Variants in TMEM47 observed in about 807,000 individuals in gnomAD.
TMEM47 encodes brain cell membrane protein 1.
In TMEM47, 3 loss-of-function variants were observed where a neutral mutation model predicts 12.4. The ratio of observed to expected loss-of-function variants is 0.24; its 90% confidence interval spans 0.11 to 0.63. The LOEUF (loss-of-function observed/expected upper bound fraction) is 0.63, where lower values mean the gene tolerates loss of function less well. Among genes scored for constraint, TMEM47 ranks in the 20% least tolerant of loss-of-function variants. The pLI is 0.86. For synonymous variants in TMEM47, 62 were observed against 63.3 expected, an observed-to-expected ratio of 0.98 and a Z score of 0.10; for missense variants, 89 against 143.8, an observed-to-expected ratio of 0.62 and a Z score of 1.95.
chrX:34,640,732 C>T (rs972138886), intron 1 of TMEM47, among the ~76,000 whole-genome samples: 2 of 111,489 alleles, frequency 1.8e-5, no homozygotes, highest in East Asian at 2.8e-4. Context: ...GTAGGATAAA[C>T]GATGAGCAGA....
chrX:34,637,844 C>T (rs752220619), intron 2 of TMEM47, among the ~76,000 whole-genome samples: 28 of 110,538 alleles, frequency 2.5e-4, no homozygotes, highest in Non-Finnish European at 4.5e-4. Context: ...GCACATGTCT[C>T]GGCAGAAAAA....
intron 1 of TMEM47, among the ~76,000 whole-genome samples, chrX:34,641,046 C>T (rs1230952260): frequency 9.3e-6 from 1 of 107,126 alleles, no homozygotes; most frequent in South Asian, 4.0e-4. Context: ...AAAGGCTAGC[C>T]ATACTGGGCT....
chrX:34,627,699 C>A lies in TMEM47; in HGVS notation c.*2614G>T, dbSNP rs1243745860. 1 of 111,883 alleles carries A rather than the reference C, an allele frequency of 8.9e-6. No homozygotes were observed. Among genetic ancestry groups the A allele is most frequent in the African/African-American group, 3.3e-5 (1 of 30,747 alleles). The allele number at this position is 111,883 out of a possible 1,213,427, so 9.2% of individuals were successfully genotyped here. A position where few individuals can be genotyped will look rare whatever the true frequency, so the allele number is the denominator to read the frequency against. On this transcript the variant is annotated 3_prime_UTR_variant, in exon 3 of 3. Transcript: ENST00000275954. ...TATATATATGTGTGTATATCTATAT[C>A]TATAGATGTAGATCTATATCCATAG... is the stretch of plus-strand genomic sequence containing the variant.
intron 1 of TMEM47, among the ~76,000 whole-genome samples, chrX:34,646,948 A>G (rs1356184593): frequency 9.0e-6 from 1 of 111,538 alleles, no homozygotes; most frequent in Non-Finnish European, 1.9e-5. Context: ...TGTTTAAAAG[A>G]CACCATTTGT....
chrX:34,638,893 A>C (rs2147138713), intron 2 of TMEM47, among the ~76,000 whole-genome samples: 1 of 112,111 alleles, frequency 8.9e-6, no homozygotes, highest in East Asian at 2.8e-4. Context: ...CAGAAAAAAT[A>C]ATGCTGCCTT....
chrX:34,629,484 C>T lies in TMEM47; in HGVS notation c.*829G>A, dbSNP rs1921573807. The T allele has an allele frequency of 1.8e-5, 2 of 111,758 alleles. No individual in the cohort carries two copies. Among genetic ancestry groups the T allele is most frequent in the African/African-American group, 6.5e-5 (2 of 30,756 alleles). 9.2% of individuals were successfully genotyped at this position (111,758 alleles called of 1,213,427 possible). ...AGGGAACAACTTATTACCATTTATA[C>T]TAATGGTTCACCTTCTATAAAAACA... On this transcript the variant is annotated 3_prime_UTR_variant, in exon 3 of 3. Transcript: ENST00000275954.
chrX:34,655,792 AAG>A (rs200249272), intron 1 of TMEM47, among the ~76,000 whole-genome samples: 1 of 108,792 alleles, frequency 9.2e-6, no homozygotes, highest in African/African-American at 3.4e-5. Flanking sequence ...GAGAGAGAGA[AAG>A]AGAGAGAAAG....
intron 2 of TMEM47, among the ~76,000 whole-genome samples, chrX:34,632,595 G>A (rs905596605): frequency 1.8e-5 from 2 of 111,742 alleles, no homozygotes; most frequent in African/African-American, 3.3e-5. Flanking sequence ...CATTTCTGCC[G>A]TGTAGCACAA....
chrX:34,639,230 G>A lies in TMEM47; in HGVS notation c.367+17C>T. ...ATGAAACTTTAATACTCATTTGAAA[G>A]TAATGAATCTGTTTACCTGCTGCAA... is the stretch of plus-strand genomic sequence containing the variant. On this transcript the variant is annotated intron_variant, in intron 2 of 2. Coordinates refer to ENST00000275954, the MANE Select transcript of TMEM47 (RefSeq NM_031442.4). The A allele has an allele frequency of 4.3e-6, 5 of 1,173,981 alleles. No individual in the cohort carries two copies. Among genetic ancestry groups the A allele is most frequent in the Non-Finnish European group, 5.7e-6 (5 of 875,926 alleles).
intron 2 of TMEM47, among the ~76,000 whole-genome samples, chrX:34,632,111 T>A (rs1369472141): frequency 9.0e-6 from 1 of 111,517 alleles, no homozygotes; most frequent in Non-Finnish European, 1.9e-5. Context: ...ACCACACAGC[T>A]CACAAAGCCA....
chrX:34,654,027 G>A (rs773859483), intron 1 of TMEM47, among the ~76,000 whole-genome samples: 1 of 111,709 alleles, frequency 9.0e-6, no homozygotes, highest in Non-Finnish European at 1.9e-5. Flanking sequence ...TTAGTGGTTC[G>A]TACTAGAAGA....
At chrX:34,651,301 G>A (rs1204369319) in intron 1 of TMEM47, among the ~76,000 whole-genome samples, 4 of 112,005 alleles carry the variant, frequency 3.6e-5, no homozygotes, top group Non-Finnish European at 7.5e-5. Flanking sequence ...CAATTTGTAA[G>A]AATTCCAATA....
intron 1 of TMEM47, 92 bp downstream of exon 1, chrX:34,656,712 G>C (rs1247231026): frequency 8.9e-7 from 1 of 1,119,725 alleles, no homozygotes. Flanking sequence ...CAGAGGATGC[G>C]GGGACGTGGG....
At chrX:34,646,687 G>T (rs1334434822) in intron 1 of TMEM47, among the ~76,000 whole-genome samples, 1 of 111,187 alleles carries the variant, frequency 9.0e-6, no homozygotes, top group Non-Finnish European at 1.9e-5. Flanking sequence ...ATTAGGAGTG[G>T]GTGAAACTTC....
chrX:34,656,373 A>G (rs1219935679), intron 1 of TMEM47, among the ~76,000 whole-genome samples: 1 of 110,319 alleles, frequency 9.1e-6, no homozygotes, highest in Non-Finnish European at 1.9e-5. Context: ...GAGAGGAAGG[A>G]AAAAGAGTGG....
In TMEM47 at chrX:34,649,828, C is replaced by A. The variant is rs558813970; in HGVS notation, c.226+6976G>T. ...GCAACCTCTGCCTCCCGGGTTCAAG[C>A]GATTCTCCTGCCTCAGCCTCCCGAG... On this transcript the variant is annotated intron_variant, in intron 1 of 2. Coordinates refer to ENST00000275954, the MANE Select transcript of TMEM47 (RefSeq NM_031442.4). 1.3e-4 allele frequency among the ~76,000 whole-genome samples: 14 copies of A among 111,669 alleles called. No individual in the cohort carries two copies. The South Asian group carries it at 5.4e-3, about 43-fold the overall frequency.
At chrX:34,640,039 A>T (rs1160835089) in intron 1 of TMEM47, among the ~76,000 whole-genome samples, 1 of 111,827 alleles carries the variant, frequency 8.9e-6, no homozygotes, top group African/African-American at 3.3e-5. Flanking sequence ...TTCCTTAACC[A>T]TATAAAAATC....
chrX:34,640,647 A>G (rs1466632556), intron 1 of TMEM47, among the ~76,000 whole-genome samples: 1 of 112,207 alleles, frequency 8.9e-6, no homozygotes, highest in Non-Finnish European at 1.9e-5. Context: ...TCCTAAGTCC[A>G]GAAGTCATGA....
Position 34,657,212 on chromosome X carries a change from GGT to G in TMEM47, c.-185_-184del. ...GTGGGTCTGCGGAGGCGGCCGGCCG[GGT>G]GTGGGTCGTCGGCAGCCGCAGCGAC... is the stretch of plus-strand genomic sequence containing the variant. On this transcript the variant is annotated 5_prime_UTR_variant, in exon 1 of 3. Transcript: ENST00000275954. 4.5e-6 allele frequency: 3 copies of G among 666,122 alleles called. No individual in the cohort carries two copies. The highest frequency in any genetic ancestry group is 5.8e-6 in the Non-Finnish European group (3 of 513,152). 54.9% of individuals were successfully genotyped at this position (666,122 alleles called of 1,213,427 possible). A position where few individuals can be genotyped will look rare whatever the true frequency, so the allele number is the denominator to read the frequency against.
Sources: allele counts gnomAD v4.1 joint callset (sites outside exome capture counted in the v4.1 genomes callset), GRCh38; gene constraint gnomAD v4.1.1; transcripts MANE v1.5; gene names NCBI Gene and HGNC (gene_info 2026-07-23, HGNC 2026-07-21).